GMDS: variants seen among roughly 807,000 people sequenced by gnomAD.
GMDS encodes the protein GDP-mannose 4,6 dehydratase.
In GMDS, 20 loss-of-function variants were observed where a neutral mutation model predicts 49.9. That is an observed-to-expected ratio of 0.40 (90% confidence interval 0.28 to 0.58). The LOEUF (loss-of-function observed/expected upper bound fraction) is 0.58. Ranked by LOEUF, GMDS falls within the 20% of genes least tolerant of loss-of-function variation. The pLI, the probability that GMDS is intolerant of heterozygous loss-of-function variation, is 0.42. For synonymous variants in GMDS, 177 were observed against 178.6 expected (o/e 0.99, Z 0.07); for missense variants, 362 against 481.4 (o/e 0.75, Z 2.32).
At chr6:2,207,201 C>A (rs1779845798) in intron 1 of GMDS, among the ~76,000 whole-genome samples, 1 of 151,910 alleles carries the variant, frequency 6.6e-6, no homozygotes, top group Admixed American at 6.5e-5. Flanking sequence ...TGGCTTCTAC[C>A]CTCAAGTTTA....
intron 7 of GMDS, among the ~76,000 whole-genome samples, chr6:1,814,880 A>T (rs1449264756): frequency 6.6e-6 from 1 of 152,212 alleles, no homozygotes; most frequent in Non-Finnish European, 1.5e-5. Context: ...TCAGTTTCCA[A>T]TTAAAAATGA....
intron 1 of GMDS, among the ~76,000 whole-genome samples, chr6:2,198,198 G>A (rs544837212): frequency 6.6e-6 from 1 of 152,332 alleles, no homozygotes; most frequent in Admixed American, 6.5e-5. Context: ...TGCAGCAGGA[G>A]CTAAAGGGTA....
At chr6:2,072,280 C>G (rs1772059488) in intron 4 of GMDS, among the ~76,000 whole-genome samples, 1 of 152,140 alleles carries the variant, frequency 6.6e-6, no homozygotes, top group Non-Finnish European at 1.5e-5. Flanking sequence ...GAAAGGGGAG[C>G]AAATCTCCTT....
chr6:1,995,555 C>T (rs1322158642), intron 4 of GMDS, among the ~76,000 whole-genome samples: 1 of 152,182 alleles, frequency 6.6e-6, no homozygotes, highest in East Asian at 1.9e-4. Flanking sequence ...CCATGGGTAC[C>T]TGCGTTAGGT....
chr6:2,179,321 G>T (rs1581756715), intron 1 of GMDS, among the ~76,000 whole-genome samples: 2 of 152,050 alleles, frequency 1.3e-5, no homozygotes, highest in East Asian at 3.8e-4. Flanking sequence ...ATATTTTAGG[G>T]TTCTCCATTT....
chr6:1,647,414 A>T (rs187983231), intron 9 of GMDS, among the ~76,000 whole-genome samples: 8 of 152,298 alleles, frequency 5.3e-5, no homozygotes, highest in African/African-American at 1.9e-4. Context: ...AATCCTAAAA[A>T]AAGAGTGTCC....
intron 4 of GMDS, among the ~76,000 whole-genome samples, chr6:1,995,506 TCAA>T (rs34348160): frequency 0.4 from 60,009 of 151,764 alleles, 12,119 homozygotes; most frequent in African/African-American, 0.48. Flanking sequence ...AGAGAGAACA[TCAA>T]CAACAACAAA....
intron 4 of GMDS, among the ~76,000 whole-genome samples, chr6:2,061,201 A>G (rs1475763285): frequency 6.6e-6 from 1 of 152,084 alleles, no homozygotes; most frequent in Non-Finnish European, 1.5e-5. Context: ...CGAAGGTGGA[A>G]CCAGACCCTG....
At chr6:1,713,354 G>A (rs1429264585) in intron 9 of GMDS, among the ~76,000 whole-genome samples, 2 of 152,224 alleles carry the variant, frequency 1.3e-5, no homozygotes, top group East Asian at 1.9e-4. Context: ...AGCACCACAT[G>A]TGACGACTAG....
At position 1,904,673 on chromosome 6, in the gene GMDS, C is replaced by T. The variant is rs777068941; in HGVS notation, c.771+25430G>A. 5.3e-5 allele frequency among the ~76,000 whole-genome samples: 8 copies of T among 152,302 alleles called. No individual in the cohort carries two copies. In the East Asian group the frequency reaches 5.8e-4, roughly 11 times the overall value. On this transcript the variant is annotated intron_variant, in intron 7 of 10. Coordinates refer to ENST00000380815, the MANE Select transcript of GMDS (RefSeq NM_001500.4). ...CTCGCCGGCTCCCACACCAGCAATG[C>T]GCAGTACCTTCCTGTTGGCCAAGTT...
intron 4 of GMDS, among the ~76,000 whole-genome samples, chr6:2,095,989 A>G (rs558351586): frequency 2.6e-4 from 39 of 152,346 alleles, no homozygotes; most frequent in African/African-American, 8.9e-4. Context: ...CAACTGGAAG[A>G]ATATATCTGC....
intron 4 of GMDS, among the ~76,000 whole-genome samples, chr6:2,052,131 G>GAAAAAAAAAAAAAAAAAAAAAAAAAA (rs576035823): frequency 2.0e-5 from 2 of 99,654 alleles, no homozygotes; most frequent in Non-Finnish European, 4.2e-5. Flanking sequence ...AAAAAAAAAA[G>GAAAAAAAAAAAAAAAAAAAAAAAAAA]AAAAAAAAAA....
At chr6:1,627,391 C>T (rs961125286) in intron 9 of GMDS, among the ~76,000 whole-genome samples, 1 of 152,206 alleles carries the variant, frequency 6.6e-6, no homozygotes, top group African/African-American at 2.4e-5. Flanking sequence ...TTAAATAAGG[C>T]TTCCTCTGGG....
intron 7 of GMDS, among the ~76,000 whole-genome samples, chr6:1,786,589 C>T (rs192951979): frequency 8.0e-4 from 122 of 152,324 alleles, no homozygotes; most frequent in African/African-American, 2.8e-3. Context: ...GGTTCAGGCA[C>T]TACCTGGAGT....
At chr6:1,637,031 G>A (rs532766185) in intron 9 of GMDS, among the ~76,000 whole-genome samples, 3 of 152,328 alleles carry the variant, frequency 2.0e-5, no homozygotes, top group Non-Finnish European at 4.4e-5. Context: ...TCTTGCCTTG[G>A]GGACCCCGCA....
chr6:1,875,972 C>T (rs1273928676), intron 7 of GMDS, among the ~76,000 whole-genome samples: 5 of 149,162 alleles, frequency 3.4e-5, no homozygotes, highest in Non-Finnish European at 5.9e-5. Flanking sequence ...GAGCCGAGAT[C>T]GTGCCATTGC....
chr6:1,852,289 T>C (rs369348137), intron 7 of GMDS, among the ~76,000 whole-genome samples: 9 of 152,214 alleles, frequency 5.9e-5, no homozygotes, highest in African/African-American at 2.2e-4. Context: ...GTTACCAATA[T>C]GTAGTATGCA....
At chr6:2,022,633 TTTG>T (rs1768347353) in intron 4 of GMDS, among the ~76,000 whole-genome samples, 1 of 152,146 alleles carries the variant, frequency 6.6e-6, no homozygotes, top group African/African-American at 2.4e-5. Flanking sequence ...CTGCACAAGA[TTTG>T]TTATTATCTA....
At chr6:2,056,628 A>G (rs1473179996) in intron 4 of GMDS, among the ~76,000 whole-genome samples, 1 of 152,184 alleles carries the variant, frequency 6.6e-6, no homozygotes, top group Non-Finnish European at 1.5e-5. Context: ...AGATGCCAGG[A>G]AATAACCCCA....
Sources: gnomAD v4.1 joint callset for allele counts (sites outside exome capture counted in the v4.1 genomes callset) on GRCh38, gnomAD v4.1.1 for gene constraint, MANE v1.5 for transcripts, NCBI Gene and HGNC (gene_info 2026-07-23, HGNC 2026-07-21) for gene names.